CTNNA3: variants seen among roughly 807,000 people sequenced by gnomAD.
The protein encoded by CTNNA3 is catenin alpha 3.
A neutral mutation model predicts 95.7 loss-of-function variants in CTNNA3; 76 were observed. That is an observed-to-expected ratio of 0.79 (90% CI 0.66 to 0.96). CTNNA3 has a LOEUF of 0.96. CTNNA3 is among the 40% of genes least tolerant of loss of function. CTNNA3 has a pLI of 0.00. For missense variants in CTNNA3, 1,191 were observed against 1,089.8 expected, an observed-to-expected ratio of 1.09 and a Z score of -1.31; for synonymous variants, 431 against 374.4, an observed-to-expected ratio of 1.15 and a Z score of -1.74.
chr10:66,979,801 T>A (rs1002080775), intron 7 of CTNNA3, among the ~76,000 whole-genome samples: 1 of 152,180 alleles, frequency 6.6e-6, no homozygotes, highest in Admixed American at 6.5e-5. Context: ...AAAATTTTAT[T>A]CTATGGAGAA....
Position 66,763,354 on chromosome 10 carries a change from G to GAGAGAGAGGGA in CTNNA3, c.1281+2909_1281+2910insTCCCTCTCTCT, listed in dbSNP as rs1554848287. On this transcript the variant is annotated intron_variant, in intron 9 of 17. Coordinates refer to ENST00000433211, the MANE Select transcript of CTNNA3 (RefSeq NM_013266.4). ...CACACACACACACAGAGAGAGAGAG[G>GAGAGAGAGGGA]GAGAGAGAGAGAAAGAGAGAAAGAG... 6.4e-3 allele frequency among the ~76,000 whole-genome samples: 291 copies of GAGAGAGAGGGA among 45,516 alleles called. 1 individual carries two copies. Among genetic ancestry groups the GAGAGAGAGGGA allele is most frequent in the African/African-American group, 0.021 (266 of 12,650 alleles). 29.9% of individuals were successfully genotyped at this position (45,516 alleles called of 152,430 possible). A position where few individuals can be genotyped will look rare whatever the true frequency, so the allele number is the denominator to read the frequency against.
chr10:67,223,784 G>A (rs1367812883), intron 5 of CTNNA3, among the ~76,000 whole-genome samples: 6 of 152,194 alleles, frequency 3.9e-5, no homozygotes, highest in Non-Finnish European at 7.4e-5. Flanking sequence ...TCAAGGCAGT[G>A]TGCTAAATGT....
chr10:65,984,481 G>A (rs577487688), intron 16 of CTNNA3, among the ~76,000 whole-genome samples: 21 of 151,286 alleles, frequency 1.4e-4, no homozygotes, highest in Non-Finnish European at 3.0e-4. Flanking sequence ...GCCAAAAAGA[G>A]TCATCTATAA....
chr10:66,862,060 C>CA (rs1168285432), intron 7 of CTNNA3, among the ~76,000 whole-genome samples: 2 of 151,948 alleles, frequency 1.3e-5, no homozygotes, highest in African/African-American at 4.8e-5. Context: ...ATTAAAAATA[C>CA]AAAAATTAGC....
At chr10:67,210,078 C>G (rs901332393) in intron 6 of CTNNA3, among the ~76,000 whole-genome samples, 27 of 151,988 alleles carry the variant, frequency 1.8e-4, no homozygotes, top group Non-Finnish European at 3.5e-4. Context: ...GAGAGCAAAG[C>G]AGGCAGATCA....
At chr10:67,074,533 G>A (rs991139904) in intron 7 of CTNNA3, among the ~76,000 whole-genome samples, 3 of 150,850 alleles carry the variant, frequency 2.0e-5, no homozygotes, top group Non-Finnish European at 4.4e-5. Flanking sequence ...TGTATTTTTA[G>A]TAGAGATGGG....
rs59522962 is a variant in CTNNA3, at chr10:66,806,298, T to C, written c.1048-30774A>G. 5.8e-3 allele frequency among the ~76,000 whole-genome samples: 874 copies of C among 149,692 alleles called. 15 individuals are homozygous for C. The highest frequency in any genetic ancestry group is 0.02 in the African/African-American group (829 of 41,002). The stretch of plus-strand genomic sequence containing the variant: ...GTGTGTGTGTGTGTGTGTGTATATA[T>C]ACTCATTTAATAATGGCAAAAATCC... On this transcript the variant is annotated intron_variant, in intron 7 of 17. Transcript: ENST00000433211.
In CTNNA3 at chr10:66,429,855, C is replaced by A. The variant is rs553633467; in HGVS notation, c.1532-50503G>T. On this transcript the variant is annotated intron_variant, in intron 11 of 17. Coordinates refer to ENST00000433211, the MANE Select transcript of CTNNA3 (RefSeq NM_013266.4). ...TGAAAACTGGCACAAGACAGGGATG[C>A]CCTCTCCCACCACTCCTATTCAACA... 1.4e-3 allele frequency among the ~76,000 whole-genome samples: 220 copies of A among 152,040 alleles called. 1 individual carries two copies. The highest frequency in any genetic ancestry group is 5.2e-3 in the African/African-American group (215 of 41,432).
intron 15 of CTNNA3, among the ~76,000 whole-genome samples, chr10:66,037,087 T>G (rs1012598947): frequency 6.6e-6 from 1 of 151,998 alleles, no homozygotes; most frequent in African/African-American, 2.4e-5. Flanking sequence ...TTAGCCAGGA[T>G]GGTCTTGATC....
rs573135061 is a variant in CTNNA3, at chr10:66,332,686, C to A, written c.1732+46466G>T. On this transcript the variant is annotated intron_variant, in intron 12 of 17. Transcript: ENST00000433211. ...TCATCAGGGATATTGGTCTAAAATT[C>A]TCTTTTTTTGTAGTGTCTCTGCCAG... Among the ~76,000 whole-genome samples, 41 of 152,112 alleles carry A rather than the reference C, an allele frequency of 2.7e-4. No individual in the cohort carries two copies. In the East Asian group the frequency reaches 6.4e-3, roughly 24 times the overall value.
chr10:67,523,993 C>T (rs1027194582), intron 4 of CTNNA3, among the ~76,000 whole-genome samples: 2 of 152,132 alleles, frequency 1.3e-5, no homozygotes, highest in East Asian at 3.8e-4. Context: ...AGCCCCTGCA[C>T]TTTGTCTTCC....
At chr10:66,369,353 C>T (rs2092735892) in intron 12 of CTNNA3, among the ~76,000 whole-genome samples, 2 of 152,140 alleles carry the variant, frequency 1.3e-5, no homozygotes, top group Admixed American at 1.3e-4. Context: ...TTCTATCCTC[C>T]CTGAGCTGGT....
chr10:66,282,707 C>T (rs185231854), intron 12 of CTNNA3, among the ~76,000 whole-genome samples: 185 of 151,866 alleles, frequency 1.2e-3, no homozygotes, highest in African/African-American at 4.1e-3. Context: ...ATGAATGGCA[C>T]CTGCTCTTAG....
chr10:66,477,099 A>G (rs1432071058), intron 11 of CTNNA3, among the ~76,000 whole-genome samples: 1 of 152,120 alleles, frequency 6.6e-6, no homozygotes, highest in Admixed American at 6.6e-5. Context: ...ATTATATTTC[A>G]TAATCTATGA....
intron 5 of CTNNA3, among the ~76,000 whole-genome samples, chr10:67,244,013 T>G (rs1179400700): frequency 6.6e-6 from 1 of 152,160 alleles, no homozygotes; most frequent in African/African-American, 2.4e-5. Flanking sequence ...CACTTTAAAG[T>G]AATGAGAAAA....
chr10:66,792,393 A>G (rs1399166231), intron 7 of CTNNA3, among the ~76,000 whole-genome samples: 1 of 152,114 alleles, frequency 6.6e-6, no homozygotes, highest in Non-Finnish European at 1.5e-5. Flanking sequence ...TTGCATAAGA[A>G]TCTCCTAGAA....
chr10:67,763,270 AT>A lies in CTNNA3; in HGVS notation c.-2+163del, dbSNP rs1438642117. On this transcript the variant is annotated intron_variant, in intron 1 of 17. Transcript: ENST00000684154. ...GGATCCCTCCTGTAGCTCTGCCAAA[AT>A]TTAAAAAAAAAAAAAAATTCCTAAA... Among the ~76,000 whole-genome samples, 21 of 68,522 alleles carry A rather than the reference AT, an allele frequency of 3.1e-4. No individual in the cohort carries two copies. In the East Asian group the frequency reaches 4.0e-3, roughly 13 times the overall value. The allele number at this position is 68,522 out of a possible 152,430, so 45.0% of individuals were successfully genotyped here.
chr10:66,754,285 A>C (rs1395644754), intron 9 of CTNNA3, among the ~76,000 whole-genome samples: 1 of 152,196 alleles, frequency 6.6e-6, no homozygotes, highest in Non-Finnish European at 1.5e-5. Context: ...TTTTCAAGAA[A>C]TGAGCTGGAA....
chr10:66,594,503 C>G (rs4746601), intron 10 of CTNNA3, among the ~76,000 whole-genome samples: 42,166 of 151,946 alleles, frequency 0.28, 6,274 homozygotes, highest in Middle Eastern at 0.43. Flanking sequence ...CTTCCCTATT[C>G]CCTACTCAAG....
Sources: allele counts gnomAD v4.1 joint callset (sites outside exome capture counted in the v4.1 genomes callset), GRCh38; gene constraint gnomAD v4.1.1; transcripts MANE v1.5; gene names NCBI Gene and HGNC (gene_info 2026-07-23, HGNC 2026-07-21).